The following CCT3 variants were observed in gnomAD, a reference collection of about 807,000 sequenced individuals.
CCT3 encodes the protein chaperonin containing TCP1 subunit 3.
Under a neutral mutation model 65.3 loss-of-function variants are expected in CCT3, and 10 were observed. The ratio of observed to expected loss-of-function variants is 0.15; its 90% confidence interval spans 0.09 to 0.26. The LOEUF is 0.26. CCT3 is among the 10% of genes least tolerant of loss of function. The pLI is 1.00. For synonymous variants in CCT3, 225 were observed against 242.3 expected (o/e 0.93, Z 0.66); for missense variants, 626 against 708.7 (o/e 0.88, Z 1.33).
intron 5 of CCT3, among the ~76,000 whole-genome samples, chr1:156,332,052 G>C (rs1354405544): frequency 1.3e-5 from 2 of 148,946 alleles, no homozygotes; most frequent in Non-Finnish European, 3.0e-5. Flanking sequence ...AAGAGACATG[G>C]TCTTGCTTTG....
In CCT3 at chr1:156,327,856, C is replaced by T. The variant is rs1184623575; in HGVS notation, c.305-2767G>A. On this transcript the variant is annotated intron_variant, in intron 5 of 13. Transcript: ENST00000295688. ...CTAGGAAGTGAGGAGCGTCTCTGCC[C>T]GGCCGCCCATCGTCTGGGATGTGGG... Among the ~76,000 whole-genome samples, 7 of 148,394 alleles carry T rather than the reference C, an allele frequency of 4.7e-5. No homozygotes were observed. The South Asian group carries it at 6.4e-4, about 14-fold the overall frequency.
chr1:156,318,472 G>C (rs1020868216), intron 8 of CCT3, among the ~76,000 whole-genome samples: 17 of 152,212 alleles, frequency 1.1e-4, no homozygotes, highest in African/African-American at 3.9e-4. Context: ...ACCTGCCTTA[G>C]CCTCCCAAAG....
chr1:156,336,072 G>A, intron 1 of CCT3, 184 bp from the exon 2 acceptor site: 2 of 489,810 alleles, frequency 4.1e-6, no homozygotes, highest in Non-Finnish European at 7.2e-6. Context: ...TCAAAAAACT[G>A]TAAACATATG....
rs376476578 is a variant in CCT3 at position 156,317,510 on chromosome 1, C to T, written c.797G>A (p.Arg266Gln). The change falls in exon 9 of 14, where the codon CGA (arginine) becomes CAA (glutamine). Residue 266 changes from arginine (R) to glutamine (Q), a missense_variant. Physicochemically the swap from Arg to Gln is conservative, Grantham distance 43. Transcript: ENST00000295688. ...GTACTCTTCCTCCATCTGGAGAATT[C>T]GGGTGAAGTCCTCCTCTCGTGTAAT... The part of the protein sequence containing the change: ...IEITREEDFT[R>Q]ILQMEEEYIQ... 2.2e-5 allele frequency: 36 copies of T among 1,613,596 alleles called. No homozygotes were observed. Among genetic ancestry groups the T allele is most frequent in the African/African-American group, 5.3e-5 (4 of 74,886 alleles).
chr1:156,318,923 T>A lies in CCT3; in HGVS notation c.704A>T (p.Asn235Ile). The A allele has an allele frequency of 4.3e-6, 7 of 1,614,130 alleles. No individual in the cohort carries two copies. The highest frequency in any genetic ancestry group is 5.1e-6 in the Non-Finnish European group (6 of 1,180,044). Residue 235 changes from asparagine to isoleucine, a missense_variant, in exon 8 of 14, where the codon AAC becomes ATC. Asn to Ile is a moderately radical substitution (Grantham distance 149). Coordinates refer to ENST00000295688, the MANE Select transcript of CCT3 (RefSeq NM_005998.5). ...THPRMRRYIKNPRIVLLDSSL... is the reference protein window; with the variant it reads ...THPRMRRYIKIPRIVLLDSSL... ...AGAATCCAGCAGCACAATGCGAGGG[T>A]TCTTGATATAGCGCCGCATACGTGG...
intron 10 of CCT3, among the ~76,000 whole-genome samples, chr1:156,315,255 T>C (rs947766604): frequency 1.3e-5 from 2 of 152,174 alleles, no homozygotes; most frequent in African/African-American, 4.8e-5. Context: ...GTCGCCCAGG[T>C]TGGAGTGCAA....
intron 10 of CCT3, among the ~76,000 whole-genome samples, chr1:156,316,533 G>T (rs1664320636): frequency 1.3e-5 from 2 of 152,216 alleles, no homozygotes; most frequent in African/African-American, 4.8e-5. Context: ...ATATTATGTT[G>T]GGGTAGATTT....
chr1:156,322,085 T>C (rs534659010), intron 6 of CCT3, among the ~76,000 whole-genome samples: 2 of 152,102 alleles, frequency 1.3e-5, no homozygotes, highest in Non-Finnish European at 2.9e-5. Flanking sequence ...CTCATCTCTA[T>C]GAAAAATTTA....
rs192703735 is a variant in CCT3 at position 156,312,131 on chromosome 1, A to C, written c.1065T>G (p.Ile355Met). Reference sequence around the variant, plus strand: ...TGATGAAAGTAAAGTATTCATCTCCAATTTTCTTGATTTCCAACAGGCCTG... The same window carrying C: ...TGATGAAAGTAAAGTATTCATCTCCCATTTTCTTGATTTCCAACAGGCCTG... ...TGAGLLEIKK[I>M]GDEYFTFITD... The change falls in exon 11 of 14, where the codon ATT (isoleucine) becomes ATG (methionine). Residue 355 changes from isoleucine (I) to methionine (M), a missense_variant. Transcript: ENST00000295688. 4.2e-5 allele frequency: 67 copies of C among 1,613,768 alleles called. No individual in the cohort carries two copies. The East Asian group carries it at 1.5e-3, about 35-fold the overall frequency.
In CCT3 at chr1:156,309,415, T is replaced by A. The variant is rs1663974859; in HGVS notation, c.1534-112A>T. ...TATGGAACTGCCATTTTGTCTGAAA[T>A]CTACCTTTTCAGTCTTTTATTTTTT... On this transcript the variant is annotated intron_variant, in intron 13 of 13. Transcript: ENST00000295688. 4.1e-6 allele frequency: 3 copies of A among 734,254 alleles called. No homozygotes were observed. The South Asian group carries it at 4.7e-5, about 11-fold the overall frequency. 45.5% of individuals were successfully genotyped at this position (734,254 alleles called of 1,614,324 possible). A position where few individuals can be genotyped will look rare whatever the true frequency, so the allele number is the denominator to read the frequency against.
intron 10 of CCT3, among the ~76,000 whole-genome samples, chr1:156,316,612 G>A (rs939651600): frequency 2.0e-5 from 3 of 152,238 alleles, no homozygotes. Context: ...AATAGTTTCA[G>A]GTACTGGAAA....
intron 10 of CCT3, among the ~76,000 whole-genome samples, chr1:156,316,803 G>A (rs1404052776): frequency 6.6e-6 from 1 of 152,180 alleles, no homozygotes; most frequent in African/African-American, 2.4e-5. Context: ...TGATGGTTCT[G>A]CTATAATCCA....
chr1:156,336,616 A>G (rs1157398004), intron 1 of CCT3, among the ~76,000 whole-genome samples: 1 of 152,238 alleles, frequency 6.6e-6, no homozygotes, highest in Non-Finnish European at 1.5e-5. Flanking sequence ...GTCACAGCCA[A>G]CTAATGCCAG....
chr1:156,335,688 T>A, intron 2 of CCT3, 139 bp downstream of exon 2: 1 of 616,362 alleles, frequency 1.6e-6, no homozygotes, highest in Admixed American at 3.0e-5. Flanking sequence ...ATCAGGAAAA[T>A]GTTCTGAAAG....
chr1:156,314,003 G>A (rs1664198853), intron 10 of CCT3, among the ~76,000 whole-genome samples: 1 of 150,660 alleles, frequency 6.6e-6, no homozygotes, highest in South Asian at 2.1e-4. Context: ...CAGGAGAATC[G>A]CTTGAACCAG....
intron 10 of CCT3, among the ~76,000 whole-genome samples, chr1:156,315,004 C>T (rs1411381417): frequency 6.6e-6 from 1 of 152,172 alleles, no homozygotes; most frequent in Non-Finnish European, 1.5e-5. Context: ...AGAAGTCAGA[C>T]AAATCACGAT....
chr1:156,327,566 T>C (rs540600473), intron 5 of CCT3, among the ~76,000 whole-genome samples: 1 of 152,318 alleles, frequency 6.6e-6, no homozygotes, highest in South Asian at 2.1e-4. Flanking sequence ...GTGCCGGGAT[T>C]GCAGACGGAG....
chr1:156,326,514 A>G (rs1375458192), intron 5 of CCT3, among the ~76,000 whole-genome samples: 3 of 151,536 alleles, frequency 2.0e-5, no homozygotes, highest in African/African-American at 7.3e-5. Context: ...GCCAGGCATG[A>G]TGGCACATGC....
chr1:156,336,259 G>C lies in CCT3; in HGVS notation c.32-371C>G, dbSNP rs188631384. Among the ~76,000 whole-genome samples, 6 of 149,024 alleles carry C rather than the reference G, an allele frequency of 4.0e-5. No individual in the cohort carries two copies. The East Asian group carries it at 1.2e-3, about 29-fold the overall frequency. Reference sequence around the variant, plus strand: ...GATAGCGAACTCCCTGAGATTATGTGAGAAAATGAGAGATACTGCAATTTT... The same window carrying C: ...GATAGCGAACTCCCTGAGATTATGTCAGAAAATGAGAGATACTGCAATTTT... On this transcript the variant is annotated intron_variant, in intron 1 of 13. Coordinates refer to ENST00000295688, the MANE Select transcript of CCT3 (RefSeq NM_005998.5).
Sources: gnomAD v4.1 joint callset for allele counts (sites outside exome capture counted in the v4.1 genomes callset) on GRCh38, gnomAD v4.1.1 for gene constraint, MANE v1.5 for transcripts, NCBI Gene and HGNC (gene_info 2026-07-23, HGNC 2026-07-21) for gene names.